The following KCNQ1 variants were observed in gnomAD, a reference collection of about 807,000 sequenced individuals.
KCNQ1 encodes the protein potassium voltage-gated channel subfamily Q member 1.
A neutral mutation model predicts 72.4 loss-of-function variants in KCNQ1; 49 were observed. The ratio of observed to expected loss-of-function variants is 0.68; its 90% CI spans 0.54 to 0.86. The LOEUF (loss-of-function observed/expected upper bound fraction) is 0.86. Ranked by LOEUF, KCNQ1 falls within the 40% of genes least tolerant of loss-of-function variation. The probability of loss-of-function intolerance (pLI) is 0.00; values close to 1 mark genes in which losing one functional copy is unlikely to be tolerated. For synonymous variants in KCNQ1, 450 were observed against 412.6 expected (o/e 1.09, Z -1.10); for missense variants, 790 against 945.1 (o/e 0.84, Z 2.15).
chr11:2,779,146 A>T (rs534637995), intron 15 of KCNQ1, among the ~76,000 whole-genome samples: 1 of 152,184 alleles, frequency 6.6e-6, no homozygotes, highest in Admixed American at 6.5e-5. Flanking sequence ...GCTGGTGCAG[A>T]CCTTTGCCAG....
chr11:2,777,164 G>C (rs1846723349), intron 14 of KCNQ1, 132 bp downstream of exon 14: 1 of 910,838 alleles, frequency 1.1e-6, no homozygotes, highest in Non-Finnish European at 1.8e-6. Context: ...TGAAATGAAA[G>C]CCAGGGAGTA....
chr11:2,446,426 G>A lies in KCNQ1; in HGVS notation c.386+942G>A, dbSNP rs1450319176. ...TGATGGCTGTGGGGCTCACCTGAGG[G>A]CTGAAGGGTGGTCTCCCTGAGCGTC... On this transcript the variant is annotated intron_variant, in intron 1 of 15. Transcript: ENST00000155840. This position sits in a 1 kb window ranked among gnomAD's most constrained non-coding sequence, Gnocchi z 8.8. Among the ~76,000 whole-genome samples, 1 of 152,206 alleles carries A rather than the reference G, an allele frequency of 6.6e-6. No homozygotes were observed. The highest frequency in any genetic ancestry group is 2.4e-5 in the African/African-American group (1 of 41,454).
rs1198533210 is a variant in KCNQ1 at position 2,595,241 on chromosome 11, A to G, written c.1393+6387A>G. Among the ~76,000 whole-genome samples, 1 of 152,230 alleles carries G rather than the reference A, an allele frequency of 6.6e-6. No homozygotes were observed. The highest frequency in any genetic ancestry group is 1.5e-5 in the Non-Finnish European group (1 of 68,044). On this transcript the variant is annotated intron_variant, in intron 10 of 15. Transcript: ENST00000155840. The surrounding 1 kb of genome is among the most constrained non-coding windows in gnomAD (Gnocchi z 5.0). Reference sequence around the variant, plus strand: ...TATCTATGTAGAAAATCTGATGAACATGCAAGATGACCACTATGACTAATA... The same window carrying G: ...TATCTATGTAGAAAATCTGATGAACGTGCAAGATGACCACTATGACTAATA...
Position 2,642,649 on chromosome 11 carries a change from G to A in KCNQ1, c.1394-19312G>A. 2.5e-6 allele frequency: 1 copy of A among 397,368 alleles called. No individual in the cohort carries two copies. Among genetic ancestry groups the A allele is most frequent in the Non-Finnish European group, 4.4e-6 (1 of 225,456 alleles). The allele number at this position is 397,368 out of a possible 1,614,324, so 24.6% of individuals were successfully genotyped here. A position where few individuals can be genotyped will look rare whatever the true frequency, so the allele number is the denominator to read the frequency against. ...TTCATTGATCCTTTATATTTATTTA[G>A]TTTCTTGTTTAGTTCTGCTCTGATC... On this transcript the variant is annotated intron_variant, in intron 10 of 15. Coordinates refer to ENST00000155840, the MANE Select transcript of KCNQ1 (RefSeq NM_000218.3). The surrounding 1 kb of genome is among the most constrained non-coding windows in gnomAD (Gnocchi z 4.3).
rs906351431 is a variant in KCNQ1, at chr11:2,767,153, C to T, written c.1515-1691C>T. Among the ~76,000 whole-genome samples, 6 of 151,506 alleles carry T rather than the reference C, an allele frequency of 4.0e-5. No individual in the cohort carries two copies. The highest frequency in any genetic ancestry group is 2.1e-4 in the South Asian group (1 of 4,782). ...ACTGCACTCCAGCCTGGCAATAGAG[C>T]GAGACTCCATCTATATGTGTGTGTG... is the stretch of plus-strand genomic sequence containing the variant. On this transcript the variant is annotated intron_variant, in intron 11 of 15. Transcript: ENST00000155840. This position sits in a 1 kb window ranked among gnomAD's most constrained non-coding sequence, Gnocchi z 4.6.
At chr11:2,577,528 G>C (rs999954296) in intron 6 of KCNQ1, among the ~76,000 whole-genome samples, 1 of 152,230 alleles carries the variant, frequency 6.6e-6, no homozygotes, top group African/African-American at 2.4e-5. Flanking sequence ...TGGGGCTCCG[G>C]GCTTCGTGAG....
At chr11:2,655,891 A>C (rs1590010445) in intron 10 of KCNQ1, 2 of 398,726 alleles carry the variant, frequency 5.0e-6, no homozygotes, top group East Asian at 7.1e-5. Context: ...GCCCCTTGTT[A>C]TAGGGGCCCC....
intron 10 of KCNQ1, chr11:2,610,364 T>C (rs2133789934): frequency 2.5e-6 from 1 of 398,274 alleles, no homozygotes; most frequent in Non-Finnish European, 4.4e-6. Flanking sequence ...TATATAATGA[T>C]ATATCTTTAA....
At position 2,549,008 on chromosome 11, in the gene KCNQ1, G is replaced by T. The variant is rs1456444867; in HGVS notation, c.477+20990G>T. ...CTTTGGAGGATGTTTGGTGACAGGT[G>T]CTGGGGCCCGGACACGACCTGGTTT... On this transcript the variant is annotated intron_variant, in intron 2 of 15. Coordinates refer to ENST00000155840, the MANE Select transcript of KCNQ1 (RefSeq NM_000218.3). The surrounding 1 kb of genome is among the most constrained non-coding windows in gnomAD (Gnocchi z 6.2). Among the ~76,000 whole-genome samples, 1 of 152,184 alleles carries T rather than the reference G, an allele frequency of 6.6e-6. No homozygotes were observed. Among genetic ancestry groups the T allele is most frequent in the Admixed American group, 6.5e-5 (1 of 15,286 alleles).
At chr11:2,656,138 T>A in intron 10 of KCNQ1, 1 of 398,654 alleles carries the variant, frequency 2.5e-6, no homozygotes, top group Non-Finnish European at 4.4e-6. Context: ...CATCGTTCCT[T>A]CTACATACAA....
chr11:2,808,097 A>G lies in KCNQ1; in HGVS notation c.1794+30060A>G, dbSNP rs1475675639. Among the ~76,000 whole-genome samples the G allele has an allele frequency of 1.3e-5, 2 of 152,110 alleles. No individual in the cohort carries two copies. The highest frequency in any genetic ancestry group is 1.5e-5 in the Non-Finnish European group (1 of 68,008). On this transcript the variant is annotated intron_variant, in intron 15 of 15. Coordinates refer to ENST00000155840, the MANE Select transcript of KCNQ1 (RefSeq NM_000218.3). The surrounding 1 kb of genome is among the most constrained non-coding windows in gnomAD (Gnocchi z 6.0). ...AAGGCGGCTGCTTCCCGCCCCTCTC[A>G]TGGACACCACTGTGGGCACCACTTG...
chr11:2,449,380 C>T (rs145292029), intron 1 of KCNQ1, among the ~76,000 whole-genome samples: 22 of 152,282 alleles, frequency 1.4e-4, no homozygotes, highest in African/African-American at 5.1e-4. Context: ...TGCGTTGTGT[C>T]ACAGGGCCGG....
rs1010106970 is a variant in KCNQ1 at position 2,782,447 on chromosome 11, G to A, written c.1794+4410G>A. 3.9e-5 allele frequency among the ~76,000 whole-genome samples: 6 copies of A among 152,178 alleles called. No individual in the cohort carries two copies. The highest frequency in any genetic ancestry group is 7.3e-5 in the Non-Finnish European group (5 of 68,030). On this transcript the variant is annotated intron_variant, in intron 15 of 15. Transcript: ENST00000155840. This position sits in a 1 kb window ranked among gnomAD's most constrained non-coding sequence, Gnocchi z 6.1. ...TCTTCATCAGGCTTTGGTGTCAAAT[G>A]TATGTGAGCCTCACAGACTAACTTA...
chr11:2,576,091 T>A (rs144534737), intron 6 of KCNQ1, among the ~76,000 whole-genome samples: 4 of 152,314 alleles, frequency 2.6e-5, no homozygotes, highest in African/African-American at 9.6e-5. Flanking sequence ...CTCATCTTGA[T>A]TGAATCTTCA....
Position 2,695,974 on chromosome 11 carries a change from A to G in KCNQ1, c.1514+33893A>G. 2.5e-6 allele frequency: 1 copy of G among 398,618 alleles called. No individual in the cohort carries two copies. The highest frequency in any genetic ancestry group is 4.4e-6 in the Non-Finnish European group (1 of 226,052). 24.7% of individuals were successfully genotyped at this position (398,618 alleles called of 1,614,324 possible). On this transcript the variant is annotated intron_variant, in intron 11 of 15. Coordinates refer to ENST00000155840, the MANE Select transcript of KCNQ1 (RefSeq NM_000218.3). The surrounding 1 kb of genome is among the most constrained non-coding windows in gnomAD (Gnocchi z 5.2). ...CTCCTCAGCTTTAATTGTTTCAAATATCTTGTAATGAGTCATGGCAAAGTT... is the reference window on the plus strand; with the variant it reads ...CTCCTCAGCTTTAATTGTTTCAAATGTCTTGTAATGAGTCATGGCAAAGTT...
chr11:2,535,798 T>G (rs1333962253), intron 2 of KCNQ1, among the ~76,000 whole-genome samples: 1 of 152,222 alleles, frequency 6.6e-6, no homozygotes, highest in Non-Finnish European at 1.5e-5. Flanking sequence ...GAGGCCGCTT[T>G]GCTGGGCGTA....
chr11:2,580,301 G>T (rs906218721), intron 6 of KCNQ1, among the ~76,000 whole-genome samples: 2 of 151,998 alleles, frequency 1.3e-5, no homozygotes, highest in Non-Finnish European at 2.9e-5. Context: ...AGGGCCCCTT[G>T]GTGCCCCTGA....
In KCNQ1 at chr11:2,826,412, C is replaced by T. The variant is rs1847841114; in HGVS notation, c.1795-21355C>T. On this transcript the variant is annotated intron_variant, in intron 15 of 15. Coordinates refer to ENST00000155840, the MANE Select transcript of KCNQ1 (RefSeq NM_000218.3). This position sits in a 1 kb window ranked among gnomAD's most constrained non-coding sequence, Gnocchi z 4.2. ...AGAACCCGCGGCCAGGCCCAGCAGC[C>T]GCCTCTTGGCAGCGCTGATGGAAAC... 1.3e-5 allele frequency among the ~76,000 whole-genome samples: 2 copies of T among 152,376 alleles called. No homozygotes were observed. Among genetic ancestry groups the T allele is most frequent in the South Asian group, 2.1e-4 (1 of 4,826 alleles).
chr11:2,819,754 T>C lies in KCNQ1; in HGVS notation c.1795-28013T>C, dbSNP rs145859219. Reference sequence around the variant, plus strand: ...TAGAAATCACCCCCAAAAACTAGACTGGAAACCTTTTAGAGGAGGGTAGGT... The same window carrying C: ...TAGAAATCACCCCCAAAAACTAGACCGGAAACCTTTTAGAGGAGGGTAGGT... On this transcript the variant is annotated intron_variant, in intron 15 of 15. Coordinates refer to ENST00000155840, the MANE Select transcript of KCNQ1 (RefSeq NM_000218.3). Among the ~76,000 whole-genome samples, 18 of 152,336 alleles carry C rather than the reference T, an allele frequency of 1.2e-4. No individual in the cohort carries two copies. In the East Asian group the frequency reaches 2.1e-3, roughly 18 times the overall value.
Sources: gnomAD v4.1 joint callset for allele counts (sites outside exome capture counted in the v4.1 genomes callset) on GRCh38, gnomAD v4.1.1 for gene constraint, Gnocchi (gnomAD v3.1) non-coding constraint, MANE v1.5 for transcripts, NCBI Gene and HGNC (gene_info 2026-07-23, HGNC 2026-07-21) for gene names.